Variants in PDLIM5 observed in about 807,000 individuals in gnomAD.
PDLIM5 encodes the protein PDZ and LIM domain 5, also known as PDZ and LIM domain protein 5.
A neutral mutation model predicts 64.2 loss-of-function variants in PDLIM5; 34 were observed. The ratio of observed to expected loss-of-function variants is 0.53; its 90% CI spans 0.40 to 0.71. PDLIM5 has a LOEUF of 0.71. PDLIM5 is among the 30% of genes least tolerant of loss of function. The pLI is 0.00. For missense variants in PDLIM5, 683 were observed against 733.6 expected (o/e 0.93, Z 0.80); for synonymous variants, 253 against 269.1 (o/e 0.94, Z 0.59).
chr4:94,463,335 G>A (rs541592694), intron 2 of PDLIM5, among the ~76,000 whole-genome samples: 19 of 152,144 alleles, frequency 1.2e-4, no homozygotes, highest in Non-Finnish European at 2.8e-4. Flanking sequence ...GCTACTGATA[G>A]CCTACTGTTG....
chr4:94,613,662 A>G (rs1250417404), intron 7 of PDLIM5, among the ~76,000 whole-genome samples: 1 of 152,218 alleles, frequency 6.6e-6, no homozygotes, highest in African/African-American at 2.4e-5. Flanking sequence ...AGTGAAAATA[A>G]CCATATTTTA....
At chr4:94,660,461 G>GCC (rs375930550) in intron 11 of PDLIM5, among the ~76,000 whole-genome samples, 10 of 151,206 alleles carry the variant, frequency 6.6e-5, no homozygotes, top group African/African-American at 2.4e-4. Context: ...ATAGTGTAGT[G>GCC]CCCCCCCCAA....
intron 3 of PDLIM5, among the ~76,000 whole-genome samples, chr4:94,567,147 C>T (rs1218939299): frequency 2.0e-5 from 3 of 152,116 alleles, no homozygotes; most frequent in Non-Finnish European, 4.4e-5. Context: ...CGCCCGCCAC[C>T]ACACCTGGCT....
intron 2 of PDLIM5, among the ~76,000 whole-genome samples, chr4:94,464,387 A>G (rs2433326): frequency 0.37 from 56,484 of 151,986 alleles, 11,059 homozygotes; most frequent in Non-Finnish European, 0.45. Flanking sequence ...ATTGAGATCT[A>G]ATTAACAGCC....
chr4:94,457,071 AATAT>A, intron 2 of PDLIM5: 6 of 829,976 alleles, frequency 7.2e-6, no homozygotes, highest in Non-Finnish European at 7.3e-6. Flanking sequence ...TGTATGTATA[AATAT>A]ATATACACAC....
intron 8 of PDLIM5, among the ~76,000 whole-genome samples, chr4:94,634,514 T>A (rs1740402397): frequency 6.9e-6 from 1 of 144,474 alleles, no homozygotes; most frequent in Non-Finnish European, 1.5e-5. Flanking sequence ...CCCAGCTGAC[T>A]TAAGTTTCCA....
At chr4:94,545,866 GT>G (rs1407311204) in intron 3 of PDLIM5, among the ~76,000 whole-genome samples, 1 of 152,012 alleles carries the variant, frequency 6.6e-6, no homozygotes, top group African/African-American at 2.4e-5. Context: ...TCCCAATATT[GT>G]TTTTTCTTGT....
chr4:94,586,910 T>G, intron 7 of PDLIM5: 1 of 1,247,094 alleles, frequency 8.0e-7, no homozygotes, highest in East Asian at 2.7e-5. Flanking sequence ...ATGATGGAAT[T>G]AGTCTAGAAC....
At chr4:94,624,375 A>G (rs1341784463) in intron 8 of PDLIM5, among the ~76,000 whole-genome samples, 1 of 152,090 alleles carries the variant, frequency 6.6e-6, no homozygotes, top group Admixed American at 6.6e-5. Context: ...TGCAGAGGAA[A>G]TATTAGGAAT....
chr4:94,510,920 A>G (rs1728814650), intron 2 of PDLIM5, among the ~76,000 whole-genome samples: 1 of 152,260 alleles, frequency 6.6e-6, no homozygotes, highest in African/African-American at 2.4e-5. Context: ...ATACGTATGT[A>G]GCAACTGGAG....
intron 7 of PDLIM5, among the ~76,000 whole-genome samples, chr4:94,601,010 G>A (rs1031199678): frequency 6.6e-6 from 1 of 152,118 alleles, no homozygotes; most frequent in South Asian, 2.1e-4. Flanking sequence ...ATGTGTAAGA[G>A]TTATAAAGCC....
At chr4:94,456,568 A>G (rs1560627139) in intron 2 of PDLIM5, 2 of 710,198 alleles carry the variant, frequency 2.8e-6, no homozygotes, top group East Asian at 5.4e-5. Flanking sequence ...ATATATAAGG[A>G]GGTATGTGTG....
chr4:94,622,264 G>A (rs1165029634), intron 8 of PDLIM5, among the ~76,000 whole-genome samples: 1 of 150,532 alleles, frequency 6.6e-6, no homozygotes, highest in Non-Finnish European at 1.5e-5. Flanking sequence ...GATTCATCAT[G>A]TGTTTATGCG....
intron 7 of PDLIM5, among the ~76,000 whole-genome samples, chr4:94,593,603 T>C (rs1736843304): frequency 6.6e-6 from 1 of 152,116 alleles, no homozygotes; most frequent in South Asian, 2.1e-4. Context: ...ATCAGTTCTA[T>C]TGGGTCAGGG....
chr4:94,462,008 C>T (rs1163836914), intron 2 of PDLIM5, among the ~76,000 whole-genome samples: 1 of 152,120 alleles, frequency 6.6e-6, no homozygotes, highest in Non-Finnish European at 1.5e-5. Context: ...GGATTACAAG[C>T]ATTCGCCACC....
intron 2 of PDLIM5, among the ~76,000 whole-genome samples, chr4:94,520,340 G>A (rs1359869313): frequency 6.6e-6 from 1 of 152,270 alleles, no homozygotes; most frequent in East Asian, 1.9e-4. Context: ...TTCCTACACT[G>A]TGCTTTTATG....
chr4:94,590,860 A>G (rs1326083598), intron 7 of PDLIM5, among the ~76,000 whole-genome samples: 1 of 152,188 alleles, frequency 6.6e-6, no homozygotes, highest in Non-Finnish European at 1.5e-5. Context: ...TATCATATCT[A>G]ACTGCTTGCA....
At chr4:94,493,347 T>C (rs1727041195) in intron 2 of PDLIM5, among the ~76,000 whole-genome samples, 1 of 152,080 alleles carries the variant, frequency 6.6e-6, no homozygotes, top group Non-Finnish European at 1.5e-5. Flanking sequence ...AGTCTCACTC[T>C]GTCACCTAGG....
At chr4:94,627,763 T>C (rs755083996) in intron 8 of PDLIM5, among the ~76,000 whole-genome samples, 1 of 152,224 alleles carries the variant, frequency 6.6e-6, no homozygotes, top group Non-Finnish European at 1.5e-5. Context: ...TTCAAACGCA[T>C]GAATAAGAAT....
Sources: allele counts gnomAD v4.1 joint callset (sites outside exome capture counted in the v4.1 genomes callset), GRCh38; gene constraint gnomAD v4.1.1; transcripts MANE v1.5; gene names NCBI Gene and HGNC (gene_info 2026-07-23, HGNC 2026-07-21).